Variants in LPP observed in about 807,000 individuals in gnomAD.
LPP encodes the protein LIM domain containing preferred translocation partner in lipoma.
Under a neutral mutation model 60.4 loss-of-function variants are expected in LPP, and 38 were observed. The observed-to-expected ratio is 0.63, with a 90% confidence interval of 0.49 to 0.83. The LOEUF (loss-of-function observed/expected upper bound fraction) is 0.83, where lower values mean the gene tolerates loss of function less well. Among genes scored for constraint, LPP ranks in the 40% least tolerant of loss-of-function variants. The probability of loss-of-function intolerance (pLI) is 0.00; values close to 1 mark genes in which losing one functional copy is unlikely to be tolerated. For synonymous variants in LPP, 328 were observed against 290.8 expected, an observed-to-expected ratio of 1.13 and a Z score of -1.30; for missense variants, 902 against 783.6, an observed-to-expected ratio of 1.15 and a Z score of -1.80.
chr3:188,498,802 G>A (rs548476879), intron 5 of LPP, among the ~76,000 whole-genome samples: 56 of 152,116 alleles, frequency 3.7e-4, no homozygotes, highest in Non-Finnish European at 1.9e-4. Flanking sequence ...ATTTCTCCAC[G>A]TCCTTGCCGA....
intron 7 of LPP, among the ~76,000 whole-genome samples, chr3:188,662,776 A>G (rs1157386311): frequency 2.6e-5 from 4 of 152,248 alleles, no homozygotes; most frequent in African/African-American, 9.6e-5. Flanking sequence ...TCTTTGTGCA[A>G]TGCACACATT....
chr3:188,623,528 G>A (rs1007306292), intron 7 of LPP, among the ~76,000 whole-genome samples: 9 of 152,134 alleles, frequency 5.9e-5, no homozygotes, highest in African/African-American at 2.2e-4. Context: ...AAAGTCCTGG[G>A]ATTACAGGCA....
chr3:188,707,429 CCAA>C (rs1865705202), intron 7 of LPP, among the ~76,000 whole-genome samples: 1 of 152,166 alleles, frequency 6.6e-6, no homozygotes, highest in East Asian at 1.9e-4. Flanking sequence ...CGCCAAAGCC[CCAA>C]AGTCCATCAT....
At chr3:188,564,674 AGAAG>A (rs1340553260) in intron 6 of LPP, among the ~76,000 whole-genome samples, 1 of 151,926 alleles carries the variant, frequency 6.6e-6, no homozygotes, top group African/African-American at 2.4e-5. Flanking sequence ...ATATACAGGG[AGAAG>A]GAAGGAAGTC....
At position 188,572,680 on chromosome 3, in the gene LPP, TA is replaced by T. The variant is rs1833783413; in HGVS notation, c.430-36480del. Among the ~76,000 whole-genome samples, 1 of 152,116 alleles carries T rather than the reference TA, an allele frequency of 6.6e-6. No homozygotes were observed. The highest frequency in any genetic ancestry group is 6.6e-5 in the Admixed American group (1 of 15,250). On this transcript the variant is annotated intron_variant, in intron 6 of 11. Coordinates refer to ENST00000617246, the MANE Select transcript of LPP (RefSeq NM_001375462.1). This position sits in a 1 kb window ranked among gnomAD's most constrained non-coding sequence, Gnocchi z 4.1. The stretch of plus-strand genomic sequence containing the variant: ...TCATTATGAGGATTAAATTGAATGA[TA>T]GGGGTGTAAGCACTTTGTAAATCCA...
chr3:188,291,519 G>A (rs962665967), intron 2 of LPP, among the ~76,000 whole-genome samples: 3 of 152,024 alleles, frequency 2.0e-5, no homozygotes, highest in Non-Finnish European at 2.9e-5. Flanking sequence ...GGTGGTGGGC[G>A]CCTGTAGTCC....
At chr3:188,366,554 C>T (rs980926661) in intron 3 of LPP, among the ~76,000 whole-genome samples, 1 of 152,172 alleles carries the variant, frequency 6.6e-6, no homozygotes, top group Non-Finnish European at 1.5e-5. Flanking sequence ...TGCACTCTCG[C>T]CTGAATTCCT....
chr3:188,465,032 G>A (rs1301847335), intron 4 of LPP, among the ~76,000 whole-genome samples: 10 of 143,334 alleles, frequency 7.0e-5, no homozygotes, highest in African/African-American at 2.3e-4. Flanking sequence ...ACAAAACAAA[G>A]TAGAACAAAA....
At chr3:188,287,530 C>T (rs1283500369) in intron 2 of LPP, among the ~76,000 whole-genome samples, 1 of 152,182 alleles carries the variant, frequency 6.6e-6, no homozygotes, top group African/African-American at 2.4e-5. Context: ...AAATGGTTCT[C>T]GTTGCTGTCA....
intron 4 of LPP, among the ~76,000 whole-genome samples, chr3:188,437,762 T>G (rs575583645): frequency 2.9e-4 from 44 of 152,348 alleles, no homozygotes; most frequent in Admixed American, 1.0e-3. Context: ...ATTTCACTGC[T>G]TTAAGTGTTT....
rs1266437994 is a variant in LPP at position 188,610,278 on chromosome 3, T to C, written c.1113+434T>C. 6.6e-6 allele frequency among the ~76,000 whole-genome samples: 1 copy of C among 152,208 alleles called. No individual in the cohort carries two copies. The highest frequency in any genetic ancestry group is 1.5e-5 in the Non-Finnish European group (1 of 68,042). On this transcript the variant is annotated intron_variant, in intron 7 of 11. Coordinates refer to ENST00000617246, the MANE Select transcript of LPP (RefSeq NM_001375462.1). The surrounding 1 kb of genome is among the most constrained non-coding windows in gnomAD (Gnocchi z 4.4). ...AAGCCTCAGCAAGGGTAGTGATCTA[T>C]GGGTGAGACATGTGGAGGGCAAAAC...
chr3:188,318,915 C>T (rs1053608522), intron 2 of LPP, among the ~76,000 whole-genome samples: 169 of 150,926 alleles, frequency 1.1e-3, no homozygotes, highest in Admixed American at 1.5e-3. Flanking sequence ...CGCGCCACTA[C>T]GCCCGGCTAA....
At chr3:188,819,871 G>A (rs780040335) in intron 9 of LPP, among the ~76,000 whole-genome samples, 7 of 152,164 alleles carry the variant, frequency 4.6e-5, no homozygotes, top group Non-Finnish European at 8.8e-5. Flanking sequence ...TAGAACTGCA[G>A]GAGTGTGCCC....
intron 8 of LPP, among the ~76,000 whole-genome samples, chr3:188,731,814 G>T (rs111796826): frequency 1.3e-5 from 2 of 152,120 alleles, no homozygotes; most frequent in African/African-American, 4.8e-5. Context: ...GAGCCACCGC[G>T]CCTGGCCTGT....
intron 5 of LPP, among the ~76,000 whole-genome samples, chr3:188,505,941 T>C (rs1462446542): frequency 6.6e-6 from 1 of 152,228 alleles, no homozygotes; most frequent in Non-Finnish European, 1.5e-5. Context: ...TCATCCTATG[T>C]AGCACACTGT....
chr3:188,479,578 C>T lies in LPP; in HGVS notation c.194-5014C>T, dbSNP rs188397121. On this transcript the variant is annotated intron_variant, in intron 4 of 11. Transcript: ENST00000617246. ...CTACAGTTACTGAGGATGTTCTGGCCCAAACCTGTGACTAGAGATGGGCAT... is the reference window on the plus strand; with the variant it reads ...CTACAGTTACTGAGGATGTTCTGGCTCAAACCTGTGACTAGAGATGGGCAT... Among the ~76,000 whole-genome samples the T allele has an allele frequency of 9.9e-5, 15 of 152,164 alleles. No individual in the cohort carries two copies. The East Asian group carries it at 2.5e-3, about 25-fold the overall frequency.
intron 2 of LPP, among the ~76,000 whole-genome samples, chr3:188,279,652 G>A (rs376866191): frequency 6.6e-6 from 1 of 152,204 alleles, no homozygotes; most frequent in African/African-American, 2.4e-5. Flanking sequence ...TATCTTCTGG[G>A]TGTTGTAGAA....
chr3:188,320,696 C>T (rs961180101), intron 2 of LPP, among the ~76,000 whole-genome samples: 14 of 152,160 alleles, frequency 9.2e-5, no homozygotes, highest in Non-Finnish European at 1.9e-4. Context: ...TGGATCAAGA[C>T]TAGAAGGTAT....
intron 5 of LPP, among the ~76,000 whole-genome samples, chr3:188,506,922 C>T (rs546390476): frequency 2.4e-4 from 37 of 152,112 alleles, no homozygotes; most frequent in Non-Finnish European, 4.0e-4. Context: ...CTCAGCCTCC[C>T]AAGTAGCTGG....
Sources: gnomAD v4.1 joint callset for allele counts (sites outside exome capture counted in the v4.1 genomes callset) on GRCh38, gnomAD v4.1.1 for gene constraint, Gnocchi (gnomAD v3.1) non-coding constraint, MANE v1.5 for transcripts, NCBI Gene and HGNC (gene_info 2026-07-23, HGNC 2026-07-21) for gene names.